Variants in NR1D2 observed in about 807,000 individuals in gnomAD.
NR1D2 encodes the protein nuclear receptor subfamily 1 group D member 2, also known as V-erbA-related protein 1-related.
NR1D2 carries 25 observed loss-of-function variants against 52.2 expected under a neutral mutation model. The ratio of observed to expected loss-of-function variants is 0.48; its 90% confidence interval spans 0.35 to 0.67. The LOEUF is 0.67. Ranked by LOEUF, NR1D2 falls within the 30% of genes least tolerant of loss-of-function variation. The pLI is 0.01. For synonymous variants in NR1D2, 259 were observed against 230.1 expected, an observed-to-expected ratio of 1.13 and a Z score of -1.14; for missense variants, 681 against 707.2, an observed-to-expected ratio of 0.96 and a Z score of 0.42.
Position 23,960,130 on chromosome 3 carries a change from C to T in NR1D2, c.517+315C>T, listed in dbSNP as rs541308444. Among the ~76,000 whole-genome samples the T allele has an allele frequency of 3.3e-5, 5 of 152,006 alleles. No individual in the cohort carries two copies. In the South Asian group the frequency reaches 6.2e-4, roughly 19 times the overall value. On this transcript the variant is annotated intron_variant, in intron 4 of 7. Transcript: ENST00000312521. ...AGTTTAAAAACATTTTTTATATGGC[C>T]GGGCATGGTGGCTCACGCCCGTAAT...
At chr3:23,965,391 A>T (rs1575156008) in intron 6 of NR1D2, among the ~76,000 whole-genome samples, 1 of 149,682 alleles carries the variant, frequency 6.7e-6, no homozygotes, top group East Asian at 1.9e-4. Flanking sequence ...GGTGTGAGCT[A>T]CCACGCCCGG....
chr3:23,956,206 G>A, intron 3 of NR1D2, 81 bp downstream of exon 3: 1 of 1,074,956 alleles, frequency 9.3e-7, no homozygotes, highest in Non-Finnish European at 1.4e-6. Flanking sequence ...TTGTGCAATT[G>A]ATAGTCTGAG....
intron 1 of NR1D2, among the ~76,000 whole-genome samples, chr3:23,948,804 C>G (rs894625856): frequency 6.6e-6 from 1 of 152,188 alleles, no homozygotes; most frequent in African/African-American, 2.4e-5. Flanking sequence ...GTACTTTAGC[C>G]TGCATAATAT....
At chr3:23,966,827 C>T (rs997685735) in intron 6 of NR1D2, among the ~76,000 whole-genome samples, 8 of 151,448 alleles carry the variant, frequency 5.3e-5, no homozygotes, top group East Asian at 1.9e-4. Context: ...TCCAGGAGTT[C>T]GAGACCAGCC....
chr3:23,956,180 G>A (rs1706076559), intron 3 of NR1D2, 55 bp downstream of exon 3: 1 of 1,419,448 alleles, frequency 7.0e-7, no homozygotes, highest in East Asian at 2.3e-5. Flanking sequence ...AAGAAGTTGG[G>A]TTTAGATTTA....
intron 4 of NR1D2, 199 bp downstream of exon 4, chr3:23,960,014 G>A: frequency 2.6e-6 from 1 of 391,868 alleles, no homozygotes; most frequent in East Asian, 4.2e-5. Flanking sequence ...ACAGTTTTTG[G>A]CTAAACTTCT....
At chr3:23,975,066 G>A (rs1390135703) in intron 7 of NR1D2, among the ~76,000 whole-genome samples, 2 of 151,882 alleles carry the variant, frequency 1.3e-5, no homozygotes, top group African/African-American at 2.4e-5. Flanking sequence ...TGATCTACCT[G>A]CCTTGGCCTC....
In NR1D2 at chr3:23,948,580, CAAAA is replaced by C. The variant is rs540483793; in HGVS notation, c.16+2990_16+2993del. Among the ~76,000 whole-genome samples the C allele has an allele frequency of 5.9e-5, 9 of 152,168 alleles. No individual in the cohort carries two copies. The East Asian group carries it at 1.5e-3, about 26-fold the overall frequency. Reference sequence around the variant, plus strand: ...TGGAACTCTTCTAGTATAATGATGACAAAAAAATAATCATCAGCTTCTTACTCTG... The same window carrying C: ...TGGAACTCTTCTAGTATAATGATGACAAATAATCATCAGCTTCTTACTCTG... On this transcript the variant is annotated intron_variant, in intron 1 of 7. Coordinates refer to ENST00000312521, the MANE Select transcript of NR1D2 (RefSeq NM_005126.5).
At chr3:23,961,112 AT>A (rs140335953) in intron 4 of NR1D2, among the ~76,000 whole-genome samples, 16 of 149,676 alleles carry the variant, frequency 1.1e-4, no homozygotes, top group South Asian at 2.1e-4. Context: ...TTTTTTAAGG[AT>A]TTTTTTTTTA....
chr3:23,958,642 T>TAAAAA (rs35959367), intron 3 of NR1D2, among the ~76,000 whole-genome samples: 1 of 98,094 alleles, frequency 1.0e-5, no homozygotes, highest in Non-Finnish European at 2.0e-5. Context: ...CCTGTCTCTT[T>TAAAAA]AAAAAAAAAA....
Position 23,948,622 on chromosome 3 carries a change from T to C in NR1D2, c.16+3028T>C, listed in dbSNP as rs532887006. 3.3e-5 allele frequency among the ~76,000 whole-genome samples: 5 copies of C among 152,314 alleles called. No individual in the cohort carries two copies. In the South Asian group the frequency reaches 6.2e-4, roughly 19 times the overall value. On this transcript the variant is annotated intron_variant, in intron 1 of 7. Coordinates refer to ENST00000312521, the MANE Select transcript of NR1D2 (RefSeq NM_005126.5). ...GCTTCTTACTCTGTGCCAGGCCTTT[T>C]ACATGTGTTCCTCATGTTAATTCCA...
intron 7 of NR1D2, among the ~76,000 whole-genome samples, chr3:23,974,932 C>A (rs1291420306): frequency 6.6e-6 from 1 of 151,366 alleles, no homozygotes; most frequent in East Asian, 2.0e-4. Flanking sequence ...GATTCTTGAG[C>A]CTCAGCCTTC....
chr3:23,977,284 A>C lies in NR1D2; in HGVS notation c.1605A>C (p.Ala535=), dbSNP rs777111459. The C allele has an allele frequency of 2.4e-5, 38 of 1,612,832 alleles. No individual in the cohort carries two copies. In the East Asian group the frequency reaches 8.0e-4, roughly 34 times the overall value. The change falls in exon 8 of 8, where the codon GCA becomes GCC. Residue 535 remains alanine (A), a synonymous_variant. Transcript: ENST00000312521. ...VEALQETLIR[A]LRTLIMKNHP... Reference sequence around the variant, plus strand: ...CTTTGCAGGAAACTCTCATTCGTGCACTAAGGACCTTAATAATGAAAAACC... The same window carrying C: ...CTTTGCAGGAAACTCTCATTCGTGCCCTAAGGACCTTAATAATGAAAAACC...
intron 2 of NR1D2, among the ~76,000 whole-genome samples, chr3:23,955,101 G>A (rs1706046332): frequency 6.6e-6 from 1 of 152,192 alleles, no homozygotes; most frequent in Non-Finnish European, 1.5e-5. Context: ...TGAACTACTA[G>A]AACTAAGTCT....
chr3:23,949,855 G>A (rs946517521), intron 1 of NR1D2, among the ~76,000 whole-genome samples: 4 of 152,086 alleles, frequency 2.6e-5, no homozygotes, highest in African/African-American at 9.7e-5. Flanking sequence ...TTTGATGATG[G>A]ACAAGTGTAG....
chr3:23,954,381 A>G (rs1706028632), intron 1 of NR1D2, among the ~76,000 whole-genome samples, 156 bp from the exon 2 acceptor site: 1 of 152,242 alleles, frequency 6.6e-6, no homozygotes, highest in African/African-American at 2.4e-5. Context: ...AATAATGGGA[A>G]ATAAGGAAAT....
chr3:23,959,522 T>C, intron 3 of NR1D2, 149 bp from the exon 4 acceptor site: 1 of 607,952 alleles, frequency 1.6e-6, no homozygotes, highest in Non-Finnish European at 2.7e-6. Context: ...TGTATTTCCC[T>C]CTGTCCTAAG....
chr3:23,966,043 T>G (rs1706441360), intron 6 of NR1D2, among the ~76,000 whole-genome samples: 1 of 152,196 alleles, frequency 6.6e-6, no homozygotes, highest in Non-Finnish European at 1.5e-5. Context: ...ACTGTATAAC[T>G]TAACAGATGT....
In NR1D2 at chr3:23,978,102, G is replaced by A. The variant is rs1029543846; in HGVS notation, c.*683G>A. On this transcript the variant is annotated 3_prime_UTR_variant, in exon 8 of 8. Coordinates refer to ENST00000312521, the MANE Select transcript of NR1D2 (RefSeq NM_005126.5). ...AATAATATTCTTTTCTTATTTCTAA[G>A]CCTTTCTGGGAAATCATTTCAGTCC... 10 of 152,044 alleles carry A rather than the reference G, an allele frequency of 6.6e-5. No individual in the cohort carries two copies. The highest frequency in any genetic ancestry group is 1.3e-4 in the Non-Finnish European group (9 of 68,008). The allele number at this position is 152,044 out of a possible 1,614,324, so 9.4% of individuals were successfully genotyped here.
Sources: allele counts gnomAD v4.1 joint callset (sites outside exome capture counted in the v4.1 genomes callset), GRCh38; gene constraint gnomAD v4.1.1; transcripts MANE v1.5; gene names NCBI Gene and HGNC (gene_info 2026-07-23, HGNC 2026-07-21).